Variants in LMF1 observed in about 807,000 individuals in gnomAD.
The protein encoded by LMF1 is lipase maturation factor 1.
A neutral mutation model predicts 60.6 loss-of-function variants in LMF1; 68 were observed. That is an observed-to-expected ratio of 1.12 (90% CI 0.92 to 1.37). The LOEUF (loss-of-function observed/expected upper bound fraction) is 1.37. LMF1 is among the 40% of genes most tolerant of loss of function. The pLI, the probability that LMF1 is intolerant of heterozygous loss-of-function variation, is 0.00. For missense variants in LMF1, 948 were observed against 767.2 expected (o/e 1.24, Z -2.78); for synonymous variants, 418 against 324.7 (o/e 1.29, Z -3.09).
At chr16:856,011 C>T (rs930459972) in intron 10 of LMF1, 7 of 455,056 alleles carry the variant, frequency 1.5e-5, no homozygotes, top group East Asian at 1.4e-4. Context: ...CCAGGAAAAC[C>T]GGGAAGACAG....
At position 884,355 on chromosome 16, in the gene LMF1, T is replaced by A. The variant is rs573372552; in HGVS notation, c.730-4618A>T. Reference sequence around the variant, plus strand: ...GCAAATAAAGATGTTACAGAGTATGTACATAAGGAGTTGTCACAGGAAATA... The same window carrying A: ...GCAAATAAAGATGTTACAGAGTATGAACATAAGGAGTTGTCACAGGAAATA... On this transcript the variant is annotated intron_variant, in intron 5 of 10. Coordinates refer to ENST00000262301, the MANE Select transcript of LMF1 (RefSeq NM_022773.4). Among the ~76,000 whole-genome samples, 3 of 152,348 alleles carry A rather than the reference T, an allele frequency of 2.0e-5. No homozygotes were observed. The East Asian group carries it at 5.8e-4, about 29-fold the overall frequency.
intron 4 of LMF1, among the ~76,000 whole-genome samples, chr16:905,416 C>T (rs987617592): frequency 4.6e-5 from 7 of 152,192 alleles, no homozygotes; most frequent in Admixed American, 1.3e-4. Flanking sequence ...TCTGCACTGC[C>T]GTTCTTGTGA....
chr16:974,598 C>G (rs1227979231), upstream of LMF1, among the ~76,000 whole-genome samples: 1 of 152,230 alleles, frequency 6.6e-6, no homozygotes, highest in South Asian at 2.1e-4. Flanking sequence ...CGGAGACCGA[C>G]CAGCCTGCCC....
intron 3 of LMF1, among the ~76,000 whole-genome samples, chr16:913,454 C>T (rs2071179257): frequency 6.6e-6 from 1 of 152,276 alleles, no homozygotes; most frequent in African/African-American, 2.4e-5. Flanking sequence ...GTGCGACACC[C>T]AACTCCTGCC....
At chr16:855,603 G>A (rs183499504) in intron 10 of LMF1, 11 of 425,154 alleles carry the variant, frequency 2.6e-5, no homozygotes, top group East Asian at 7.1e-5. Context: ...AGGCCCCTTC[G>A]CAGTTGTGCA....
chr16:940,214 C>CGG (rs1205132974), intron 2 of LMF1, among the ~76,000 whole-genome samples: 3 of 152,204 alleles, frequency 2.0e-5, no homozygotes, highest in Non-Finnish European at 4.4e-5. Context: ...GCCCTGCCGA[C>CGG]ACCCTGATTT....
intron 3 of LMF1, among the ~76,000 whole-genome samples, chr16:927,503 A>G (rs1338248253): frequency 6.6e-6 from 1 of 152,270 alleles, no homozygotes; most frequent in Non-Finnish European, 1.5e-5. Context: ...CCGGCAGCTG[A>G]GCGAGCTCAC....
At chr16:969,413 T>C (rs2072993448) in intron 1 of LMF1, among the ~76,000 whole-genome samples, 1 of 152,204 alleles carries the variant, frequency 6.6e-6, no homozygotes, top group Non-Finnish European at 1.5e-5. Flanking sequence ...ACAGGAAACC[T>C]TGTAGTGATG....
intron 4 of LMF1, among the ~76,000 whole-genome samples, chr16:902,737 C>T (rs1312442055): frequency 9.5e-5 from 12 of 126,430 alleles, no homozygotes; most frequent in African/African-American, 2.2e-4. Context: ...GCCCACAGGA[C>T]GCCTGTCTCT....
intron 6 of LMF1, among the ~76,000 whole-genome samples, chr16:875,944 G>T (rs576679847): frequency 6.6e-6 from 1 of 152,262 alleles, no homozygotes; most frequent in African/African-American, 2.4e-5. Context: ...ACCCGTGTGT[G>T]TGGCCCCACC....
intron 3 of LMF1, among the ~76,000 whole-genome samples, chr16:920,699 T>G (rs1055764638): frequency 6.6e-6 from 1 of 152,012 alleles, no homozygotes; most frequent in African/African-American, 2.4e-5. Context: ...TTGGCAAAAA[T>G]TATCCAAATT....
intron 4 of LMF1, among the ~76,000 whole-genome samples, chr16:907,842 C>T (rs536740760): frequency 1.3e-5 from 2 of 152,290 alleles, no homozygotes; most frequent in South Asian, 4.1e-4. Context: ...GTAATTATAC[C>T]TTTTAGTGCA....
intron 4 of LMF1, among the ~76,000 whole-genome samples, chr16:894,183 T>A (rs1173217375): frequency 9.9e-4 from 1 of 1,008 alleles, no homozygotes; most frequent in Non-Finnish European, 2.2e-3. Flanking sequence ...CCCTGTCCAC[T>A]GGACTGTCCG....
intron 10 of LMF1, among the ~76,000 whole-genome samples, chr16:861,109 G>A (rs564131712): frequency 7.9e-5 from 12 of 152,130 alleles, no homozygotes; most frequent in African/African-American, 2.7e-4. Flanking sequence ...CCACGAACGC[G>A]GCCGTGTCTC....
Position 962,972 on chromosome 16 carries a change from G to A in LMF1, c.193+7816C>T, listed in dbSNP as rs2072843688. ...GGCCCTGGGCGACGAAAGGGTCAGG[G>A]CTGGTGACCTCTAAAGGGGCTGCGA... On this transcript the variant is annotated intron_variant, in intron 1 of 10. Coordinates refer to ENST00000262301, the MANE Select transcript of LMF1 (RefSeq NM_022773.4). The surrounding 1 kb of genome is among the most constrained non-coding windows in gnomAD (Gnocchi z 4.5). Among the ~76,000 whole-genome samples, 2 of 152,180 alleles carry A rather than the reference G, an allele frequency of 1.3e-5. No individual in the cohort carries two copies. Among genetic ancestry groups the A allele is most frequent in the Non-Finnish European group, 2.9e-5 (2 of 68,042 alleles).
chr16:883,995 T>G (rs985923651), intron 5 of LMF1: 2 of 152,270 alleles, frequency 1.3e-5, no homozygotes, highest in African/African-American at 4.8e-5. Flanking sequence ...TGGATTTGTC[T>G]ATGTCTGCTT....
intron 3 of LMF1, among the ~76,000 whole-genome samples, chr16:929,357 G>A (rs761227575): frequency 2.0e-5 from 3 of 152,228 alleles, no homozygotes; most frequent in Admixed American, 6.5e-5. Context: ...CGGGGACCAC[G>A]CTGGAGGACA....
At chr16:977,383 C>A (rs780896334) in intron 1 of LMF1, among the ~76,000 whole-genome samples, 1 of 152,142 alleles carries the variant, frequency 6.6e-6, no homozygotes, top group Admixed American at 6.5e-5. Context: ...CCTGGAGACC[C>A]GTCCGGGGGC....
chr16:891,261 G>T (rs535313624), intron 5 of LMF1, among the ~76,000 whole-genome samples: 1 of 152,322 alleles, frequency 6.6e-6, no homozygotes, highest in Non-Finnish European at 1.5e-5. Flanking sequence ...CACCCTGGTG[G>T]TCCTGGCCAG....
Sources: allele counts gnomAD v4.1 joint callset (sites outside exome capture counted in the v4.1 genomes callset), GRCh38; gene constraint gnomAD v4.1.1; non-coding constraint Gnocchi (gnomAD v3.1); transcripts MANE v1.5; gene names NCBI Gene and HGNC (gene_info 2026-07-23, HGNC 2026-07-21).